The following RPS6KC1 variants were observed in gnomAD, a reference collection of about 807,000 sequenced individuals.
RPS6KC1 encodes inactive ribosomal protein S6 kinase delta-1.
Under a neutral mutation model 103.8 loss-of-function variants are expected in RPS6KC1, and 54 were observed. The ratio of observed to expected loss-of-function variants is 0.52; its 90% confidence interval spans 0.42 to 0.65. The LOEUF is 0.65. Among genes scored for constraint, RPS6KC1 ranks in the 30% least tolerant of loss-of-function variants. RPS6KC1 has a pLI of 0.00. For missense variants in RPS6KC1, 1,151 were observed against 1,253.8 expected, an observed-to-expected ratio of 0.92 and a Z score of 1.24; for synonymous variants, 439 against 438.7, an observed-to-expected ratio of 1.00 and a Z score of -0.01.
At chr1:213,205,646 T>C (rs1400155721) in intron 8 of RPS6KC1, among the ~76,000 whole-genome samples, 2 of 149,100 alleles carry the variant, frequency 1.3e-5, no homozygotes, top group Non-Finnish European at 3.0e-5. Flanking sequence ...GATATCATCT[T>C]AAGGACTTCA....
chr1:213,112,541 A>G (rs1300972199), intron 4 of RPS6KC1, among the ~76,000 whole-genome samples: 1 of 151,166 alleles, frequency 6.6e-6, no homozygotes, highest in Admixed American at 6.6e-5. Context: ...GTGGTTCTCA[A>G]ACTTTTTTTT....
At chr1:213,665,896 C>T in the RPS6KC1 span, among the ~76,000 whole-genome samples, 12 of 152,072 alleles carry the variant, frequency 7.9e-5, no homozygotes, top group Admixed American at 2.6e-4. Context: ...GTAAGACATC[C>T]AAGTTATATT....
intron 8 of RPS6KC1, among the ~76,000 whole-genome samples, chr1:213,219,293 T>C (rs1384375532): frequency 6.6e-6 from 1 of 152,002 alleles, no homozygotes; most frequent in East Asian, 1.9e-4. Context: ...GAAATGCAAA[T>C]CAAAACCACA....
chr1:213,230,730 G>C (rs2094078149), intron 9 of RPS6KC1, among the ~76,000 whole-genome samples, 186 bp downstream of exon 9: 1 of 150,716 alleles, frequency 6.6e-6, no homozygotes, highest in South Asian at 2.1e-4. Context: ...AGCTACCCGG[G>C]AGACTTAGGC....
intron 6 of RPS6KC1, among the ~76,000 whole-genome samples, chr1:213,133,687 T>G (rs2085924382): frequency 1.3e-5 from 2 of 152,164 alleles, no homozygotes; most frequent in African/African-American, 4.8e-5. Context: ...AAGTACTGGT[T>G]TGATGTCTTT....
the RPS6KC1 span, among the ~76,000 whole-genome samples, chr1:213,318,151 G>A: frequency 6.6e-6 from 1 of 152,240 alleles, no homozygotes; most frequent in East Asian, 1.9e-4. Context: ...ATCAAATAAT[G>A]TTTTCACTGT....
chr1:213,394,751 C>T, the RPS6KC1 span, among the ~76,000 whole-genome samples: 1 of 152,178 alleles, frequency 6.6e-6, no homozygotes, highest in African/African-American at 2.4e-5. Context: ...AGAAATTCTC[C>T]TCTGTGGATA....
chr1:213,416,848 A>G, the RPS6KC1 span, among the ~76,000 whole-genome samples: 102 of 152,244 alleles, frequency 6.7e-4, 1 homozygote, highest in African/African-American at 2.3e-3. Context: ...GCACATGGTC[A>G]TTCCTAGCCA....
the RPS6KC1 span, among the ~76,000 whole-genome samples, chr1:213,512,586 G>GA: frequency 1.3e-5 from 2 of 152,132 alleles, no homozygotes; most frequent in Non-Finnish European, 2.9e-5. Flanking sequence ...GCAGGATTAG[G>GA]GTTGGTGGAC....
the RPS6KC1 span, among the ~76,000 whole-genome samples, chr1:213,570,344 T>C: frequency 6.6e-6 from 1 of 152,170 alleles, no homozygotes; most frequent in African/African-American, 2.4e-5. Context: ...AAGAGTTGGG[T>C]GTCACTGACC....
At chr1:213,843,860 T>C in the RPS6KC1 span, among the ~76,000 whole-genome samples, 2 of 151,846 alleles carry the variant, frequency 1.3e-5, no homozygotes, top group Middle Eastern at 6.8e-3. Context: ...CTCTCTGGCC[T>C]TTAAATATTA....
intron 8 of RPS6KC1, among the ~76,000 whole-genome samples, chr1:213,201,525 A>G (rs1161703795): frequency 1.3e-5 from 2 of 152,174 alleles, no homozygotes; most frequent in African/African-American, 4.8e-5. Context: ...AGAATGGTGG[A>G]TTGTCCAAAT....
At chr1:213,620,477 A>G in the RPS6KC1 span, among the ~76,000 whole-genome samples, 2 of 152,234 alleles carry the variant, frequency 1.3e-5, no homozygotes, top group Non-Finnish European at 2.9e-5. Context: ...AGACTAAGAT[A>G]GAAACTTCTA....
At chr1:213,479,735 A>AT in the RPS6KC1 span, among the ~76,000 whole-genome samples, 2 of 152,024 alleles carry the variant, frequency 1.3e-5, no homozygotes, top group South Asian at 4.1e-4. Flanking sequence ...ATGTTCTTTT[A>AT]TTTTTTCTTC....
At chr1:213,216,200 A>G (rs970781321) in intron 8 of RPS6KC1, among the ~76,000 whole-genome samples, 26 of 152,220 alleles carry the variant, frequency 1.7e-4, no homozygotes, top group Non-Finnish European at 3.1e-4. Context: ...AAGCAAATGG[A>G]AAACAAAAAA....
At chr1:213,457,969 G>A in the RPS6KC1 span, among the ~76,000 whole-genome samples, 2 of 152,218 alleles carry the variant, frequency 1.3e-5, no homozygotes, top group East Asian at 3.8e-4. Context: ...ATAGCAGTAA[G>A]TGTACTTCCA....
the RPS6KC1 span, among the ~76,000 whole-genome samples, chr1:213,745,149 C>T: frequency 1.0e-3 from 152 of 152,258 alleles, 1 homozygote; most frequent in South Asian, 2.5e-3. Flanking sequence ...TACATTTTCC[C>T]CCTCATTCTG....
At chr1:213,851,055 T>C in the RPS6KC1 span, among the ~76,000 whole-genome samples, 1 of 152,074 alleles carries the variant, frequency 6.6e-6, no homozygotes, top group Non-Finnish European at 1.5e-5. Context: ...CCAGTCCACC[T>C]CTTCATCAAT....
At chr1:213,434,050 CT>C in the RPS6KC1 span, among the ~76,000 whole-genome samples, 505 of 136,414 alleles carry the variant, frequency 3.7e-3, no homozygotes, top group Middle Eastern at 0.016. Context: ...TTTTTCTTAC[CT>C]TTTTTTTTTT....
Sources: allele counts gnomAD v4.1 joint callset (sites outside exome capture counted in the v4.1 genomes callset), GRCh38; gene constraint gnomAD v4.1.1; transcripts MANE v1.5; gene names NCBI Gene and HGNC (gene_info 2026-07-23, HGNC 2026-07-21).